The following IL1RAPL1 variants were observed in gnomAD, a reference collection of about 807,000 sequenced individuals.
The protein encoded by IL1RAPL1 is interleukin 1 receptor accessory protein like 1.
In IL1RAPL1, 3 loss-of-function variants were observed where a neutral mutation model predicts 48.4. That is an observed-to-expected ratio of 0.06 (90% confidence interval 0.03 to 0.16). The LOEUF (loss-of-function observed/expected upper bound fraction) is 0.16. Ranked by LOEUF, IL1RAPL1 falls within the 10% of genes least tolerant of loss-of-function variation. The pLI is 1.00. For missense variants in IL1RAPL1, 349 were observed against 530.6 expected (o/e 0.66, Z 3.36); for synonymous variants, 185 against 187.7 (o/e 0.99, Z 0.12).
At chrX:29,757,647 C>A (rs752954022) in intron 6 of IL1RAPL1, among the ~76,000 whole-genome samples, 1 of 112,070 alleles carries the variant, frequency 8.9e-6, no homozygotes, top group African/African-American at 3.2e-5. Flanking sequence ...TGTCCTTCAA[C>A]TGTTTAAAAT....
intron 2 of IL1RAPL1, among the ~76,000 whole-genome samples, chrX:29,249,057 C>T (rs188250511): frequency 1.8e-5 from 2 of 110,974 alleles, no homozygotes; most frequent in African/African-American, 3.3e-5. Flanking sequence ...GGTTATAGTA[C>T]GGTATTTCTT....
At chrX:29,065,338 T>C (rs1927431688) in intron 2 of IL1RAPL1, among the ~76,000 whole-genome samples, 1 of 111,665 alleles carries the variant, frequency 9.0e-6, no homozygotes, top group African/African-American at 3.3e-5. Flanking sequence ...ACTTTGAGTA[T>C]GCTATCCCAC....
At chrX:29,303,875 A>G (rs926225446) in intron 3 of IL1RAPL1, among the ~76,000 whole-genome samples, 16 of 112,116 alleles carry the variant, frequency 1.4e-4, no homozygotes, top group Non-Finnish European at 2.3e-4. Flanking sequence ...TTTCTCTATC[A>G]AAAAAGCTGC....
At chrX:28,729,763 C>T (rs1228672269) in intron 1 of IL1RAPL1, among the ~76,000 whole-genome samples, 3 of 110,577 alleles carry the variant, frequency 2.7e-5, no homozygotes, top group African/African-American at 9.9e-5. Flanking sequence ...TTTGGGAGGC[C>T]GAGGCAGGCG....
At chrX:29,062,629 A>T (rs751722272) in intron 2 of IL1RAPL1, among the ~76,000 whole-genome samples, 1 of 112,459 alleles carries the variant, frequency 8.9e-6, no homozygotes, top group East Asian at 2.8e-4. Context: ...ATAAGCATTC[A>T]TACTGATTTG....
chrX:28,869,394 A>G (rs1922152712), intron 2 of IL1RAPL1, among the ~76,000 whole-genome samples: 1 of 111,994 alleles, frequency 8.9e-6, no homozygotes, highest in Non-Finnish European at 1.9e-5. Context: ...ATTATAATTT[A>G]TATCATTGTT....
chrX:28,948,779 A>G (rs1924372581), intron 2 of IL1RAPL1, among the ~76,000 whole-genome samples: 1 of 111,264 alleles, frequency 9.0e-6, no homozygotes, highest in African/African-American at 3.3e-5. Context: ...TTGAAACCAC[A>G]GATAGTACTG....
At chrX:28,910,518 T>C (rs1923331804) in intron 2 of IL1RAPL1, among the ~76,000 whole-genome samples, 1 of 109,460 alleles carries the variant, frequency 9.1e-6, no homozygotes, top group African/African-American at 3.3e-5. Flanking sequence ...GAAACTGTCA[T>C]CAGTGTTAGG....
intron 2 of IL1RAPL1, among the ~76,000 whole-genome samples, chrX:28,836,895 G>A (rs1921234522): frequency 1.8e-5 from 2 of 109,280 alleles, no homozygotes. Context: ...CTGAATGACA[G>A]TATGTTACTC....
At chrX:28,670,175 T>G (rs749512357) in intron 1 of IL1RAPL1, among the ~76,000 whole-genome samples, 1 of 111,828 alleles carries the variant, frequency 8.9e-6, no homozygotes, top group Non-Finnish European at 1.9e-5. Context: ...TCACCCGCTT[T>G]AAAGCAAAGA....
intron 5 of IL1RAPL1, among the ~76,000 whole-genome samples, chrX:29,441,696 A>G (rs1321341847): frequency 2.7e-5 from 3 of 112,074 alleles, no homozygotes; most frequent in Non-Finnish European, 3.8e-5. Flanking sequence ...CTCAAATTTC[A>G]TAGTTAGCTG....
intron 6 of IL1RAPL1, among the ~76,000 whole-genome samples, chrX:29,817,881 C>T (rs990956073): frequency 2.7e-5 from 3 of 111,343 alleles, no homozygotes; most frequent in Non-Finnish European, 3.8e-5. Flanking sequence ...TACAGCAGTC[C>T]CAGGCATCAT....
chrX:28,779,616 TTATG>T (rs754365801), intron 1 of IL1RAPL1, among the ~76,000 whole-genome samples: 738 of 55,889 alleles, frequency 0.013, 45 homozygotes, highest in Admixed American at 0.11. Flanking sequence ...AGTGATACTA[TTATG>T]TGTGTGTGTG....
intron 2 of IL1RAPL1, among the ~76,000 whole-genome samples, chrX:29,256,470 T>C (rs1447888232): frequency 9.0e-6 from 1 of 111,627 alleles, no homozygotes; most frequent in Admixed American, 9.6e-5. Context: ...AGACACAGTC[T>C]CCAATGCAGG....
chrX:29,374,819 C>A (rs1427343820), intron 3 of IL1RAPL1, among the ~76,000 whole-genome samples: 2 of 110,741 alleles, frequency 1.8e-5, no homozygotes, highest in Non-Finnish European at 3.8e-5. Context: ...ACAGAGAATG[C>A]ACCTCTTTGG....
chrX:29,795,558 G>A (rs1374373863), intron 6 of IL1RAPL1, among the ~76,000 whole-genome samples: 2 of 111,649 alleles, frequency 1.8e-5, no homozygotes, highest in East Asian at 2.8e-4. Context: ...CTACAGGCAC[G>A]TGCCTCCACA....
chrX:28,849,709 C>T (rs768575168), intron 2 of IL1RAPL1, among the ~76,000 whole-genome samples: 26 of 111,808 alleles, frequency 2.3e-4, no homozygotes, highest in Admixed American at 3.8e-4. Context: ...AAATGGAACT[C>T]TCGTCTTATA....
At chrX:28,626,619 T>C (rs962916295) in intron 1 of IL1RAPL1, among the ~76,000 whole-genome samples, 9 of 112,489 alleles carry the variant, frequency 8.0e-5, no homozygotes, top group Non-Finnish European at 1.1e-4. Flanking sequence ...AATTTAATTG[T>C]CTCCTCCTCT....
rs141491306 is a variant in IL1RAPL1, at chrX:29,890,897, T to C, written c.779-26567T>C. On this transcript the variant is annotated intron_variant, in intron 6 of 10. Coordinates refer to ENST00000378993, the MANE Select transcript of IL1RAPL1 (RefSeq NM_014271.4). ...AGTTAACCCTCCTCTAAACCCTACC[T>C]CTAGTGTCCTAAATTTGCTTTTTGT... 7.9e-3 allele frequency among the ~76,000 whole-genome samples: 890 copies of C among 112,134 alleles called. 13 individuals are homozygous for C. The highest frequency in any genetic ancestry group is 0.027 in the African/African-American group (846 of 30,895).
Sources: allele counts gnomAD v4.1 joint callset (sites outside exome capture counted in the v4.1 genomes callset), GRCh38; gene constraint gnomAD v4.1.1; transcripts MANE v1.5; gene names NCBI Gene and HGNC (gene_info 2026-07-23, HGNC 2026-07-21).